The following PAFAH1B2 variants were observed in gnomAD, a reference collection of about 807,000 sequenced individuals.
The protein encoded by PAFAH1B2 is platelet activating factor acetylhydrolase 1b catalytic subunit 2, also known as platelet-activating factor acetylhydrolase IB subunit alpha2.
In PAFAH1B2, 8 loss-of-function variants were observed where a neutral mutation model predicts 28.0. That is an observed-to-expected ratio of 0.29 (90% CI 0.17 to 0.52). The LOEUF is 0.52. PAFAH1B2 is among the 20% of genes least tolerant of loss of function. The probability of loss-of-function intolerance (pLI) is 0.97; values close to 1 mark genes in which losing one functional copy is unlikely to be tolerated. For missense variants in PAFAH1B2, 190 were observed against 282.6 expected (o/e 0.67, Z 2.35); for synonymous variants, 104 against 103.2 (o/e 1.01, Z -0.05).
At chr11:117,161,376 T>G in intron 4 of PAFAH1B2, 115 bp downstream of exon 4, 1 of 618,898 alleles carries the variant, frequency 1.6e-6, no homozygotes, top group South Asian at 2.4e-5. Flanking sequence ...ACTATTTTTT[T>G]CGTGCCTCTT....
rs34197273 is a variant in PAFAH1B2 at position 117,157,287 on chromosome 11, AAT to A, written c.82-2631_82-2630del. On this transcript the variant is annotated intron_variant, in intron 2 of 5. Transcript: ENST00000527958. ...GTTTTCTTTTTTAAATAAATAAATGAATATATATATATATATAGTTTGTTTGT... is the reference window on the plus strand; with the variant it reads ...GTTTTCTTTTTTAAATAAATAAATGAATATATATATATATAGTTTGTTTGT... Among the ~76,000 whole-genome samples the A allele has an allele frequency of 2.0e-3, 303 of 148,738 alleles. 1 individual carries two copies. Among genetic ancestry groups the A allele is most frequent in the African/African-American group, 5.8e-3 (236 of 40,714 alleles).
chr11:117,167,850 A>G lies in PAFAH1B2; in HGVS notation c.*151A>G. On this transcript the variant is annotated 3_prime_UTR_variant, in exon 6 of 6. Coordinates refer to ENST00000527958, the MANE Select transcript of PAFAH1B2 (RefSeq NM_002572.4). ...TGTTTGAAGGGGAGGAGGGATTTAA[A>G]CTGGTCCTGTACATAGAAGGTTTGT... 1.6e-6 allele frequency: 2 copies of G among 1,264,954 alleles called. No individual in the cohort carries two copies. Among genetic ancestry groups the G allele is most frequent in the Non-Finnish European group, 2.0e-6 (2 of 999,572 alleles). The allele number at this position is 1,264,954 out of a possible 1,614,324, so 78.4% of individuals were successfully genotyped here. A position where few individuals can be genotyped will look rare whatever the true frequency, so the allele number is the denominator to read the frequency against.
chr11:117,171,862 C>A, downstream of PAFAH1B2: 1 of 869,496 alleles, frequency 1.2e-6, no homozygotes, highest in Non-Finnish European at 1.7e-6. Context: ...AAATGATTTG[C>A]TGCTTTAGGA....
chr11:117,156,480 G>GT (rs1956257272), intron 2 of PAFAH1B2, among the ~76,000 whole-genome samples: 1 of 152,130 alleles, frequency 6.6e-6, no homozygotes, highest in Non-Finnish European at 1.5e-5. Context: ...CCAGAAAGAG[G>GT]TGTCCATGAT....
At chr11:117,158,563 T>G (rs561288587) in intron 2 of PAFAH1B2, among the ~76,000 whole-genome samples, 2 of 152,234 alleles carry the variant, frequency 1.3e-5, no homozygotes, top group South Asian at 4.1e-4. Context: ...TAATACTTTA[T>G]TGAACTCTTG....
At chr11:117,175,760 C>T, downstream of PAFAH1B2, 1 of 1,054,674 alleles carries the variant, frequency 9.5e-7, no homozygotes, top group South Asian at 1.7e-5. Flanking sequence ...CGTAGGGTCA[C>T]ATCTTGCCCC....
chr11:117,160,121 C>T (rs1956341714), intron 3 of PAFAH1B2, 98 bp downstream of exon 3: 1 of 865,544 alleles, frequency 1.2e-6, no homozygotes, highest in African/African-American at 1.7e-5. Flanking sequence ...TTATTTGTGA[C>T]TCTTAGAGAA....
chr11:117,156,348 A>G (rs1454961343), intron 2 of PAFAH1B2, among the ~76,000 whole-genome samples: 1 of 152,218 alleles, frequency 6.6e-6, no homozygotes, highest in Admixed American at 6.5e-5. Flanking sequence ...CAACTCTAAA[A>G]TGGAGTTGCC....
At position 117,167,430 on chromosome 11, in the gene PAFAH1B2, C is replaced by A; in HGVS notation, c.421C>A (p.Pro141Thr). 1 of 1,583,086 alleles carries A rather than the reference C, an allele frequency of 6.3e-7. No homozygotes were observed. Among genetic ancestry groups the A allele is most frequent in the Non-Finnish European group, 8.6e-7 (1 of 1,157,538 alleles). The stretch of plus-strand genomic sequence containing the variant: ...TTCCACTGTGCCCCAGGGTTTGTTA[C>A]CTCGAGGTGAGAAACCCAATCCTTT... The part of the protein sequence containing the change: ...QAKIIVLGLL[P>T]RGEKPNPLRQ... Residue 141 changes from proline (P) to threonine (T), a missense_variant, in exon 6 of 6, where the codon CCT becomes ACT. Coordinates refer to ENST00000527958, the MANE Select transcript of PAFAH1B2 (RefSeq NM_002572.4).
Position 117,159,926 on chromosome 11 carries a change from C to A in PAFAH1B2, c.82-8C>A. ...GTTAATAATTTTTTTTTTTCTTCTT[C>A]AAACCAGCACAACAGATTTGTTTTG... On this transcript the variant is annotated splice_polypyrimidine_tract_variant and splice_region_variant and intron_variant, in intron 2 of 5. Transcript: ENST00000527958. 1 of 1,607,660 alleles carries A rather than the reference C, an allele frequency of 6.2e-7. No homozygotes were observed. The highest frequency in any genetic ancestry group is 8.5e-7 in the Non-Finnish European group (1 of 1,174,996).
chr11:117,145,954 T>C (rs1955994244), intron 1 of PAFAH1B2, among the ~76,000 whole-genome samples: 1 of 152,136 alleles, frequency 6.6e-6, no homozygotes, highest in South Asian at 2.1e-4. Context: ...GTAGAGAATA[T>C]AGAAAAGGCA....
chr11:117,168,631 T>C lies in PAFAH1B2; in HGVS notation c.*932T>C. On this transcript the variant is annotated 3_prime_UTR_variant, in exon 6 of 6. Coordinates refer to ENST00000527958, the MANE Select transcript of PAFAH1B2 (RefSeq NM_002572.4). ...AGATTCTGTGTATTGCTGTTCATAT[T>C]CGGAGTTCTGGTTTTGTTTTTCCCT... is the stretch of plus-strand genomic sequence containing the variant. The C allele has an allele frequency of 9.4e-7, 1 of 1,063,990 alleles. No individual in the cohort carries two copies. Among genetic ancestry groups the C allele is most frequent in the Non-Finnish European group, 1.1e-6 (1 of 878,594 alleles). The allele number at this position is 1,063,990 out of a possible 1,614,324, so 65.9% of individuals were successfully genotyped here. A position where few individuals can be genotyped will look rare whatever the true frequency, so the allele number is the denominator to read the frequency against.
chr11:117,160,062 A>G (rs1956340785), intron 3 of PAFAH1B2, 39 bp downstream of exon 3: 1 of 1,314,430 alleles, frequency 7.6e-7, no homozygotes, highest in Non-Finnish European at 1.1e-6. Context: ...TTGGCTACTC[A>G]TGTATATCCA....
chr11:117,145,822 A>G (rs1313511720), intron 1 of PAFAH1B2, among the ~76,000 whole-genome samples: 1 of 152,230 alleles, frequency 6.6e-6, no homozygotes, highest in African/African-American at 2.4e-5. Context: ...GGTTCAGACT[A>G]AAACATCTAA....
intron 1 of PAFAH1B2, among the ~76,000 whole-genome samples, chr11:117,144,786 A>T (rs1442125454): frequency 6.8e-6 from 1 of 147,466 alleles, no homozygotes; most frequent in African/African-American, 2.5e-5. Context: ...CACCCGCGGT[A>T]GGCCTTGCGC....
At chr11:117,161,388 A>T (rs1433914900) in intron 4 of PAFAH1B2, 127 bp downstream of exon 4, 2 of 576,204 alleles carry the variant, frequency 3.5e-6, no homozygotes, top group Non-Finnish European at 6.0e-6. Context: ...GTGCCTCTTT[A>T]AGGTAAATGA....
chr11:117,175,570 G>A, downstream of PAFAH1B2: 1 of 1,124,186 alleles, frequency 8.9e-7, no homozygotes, highest in Non-Finnish European at 1.1e-6. Context: ...ATTGCCAGCG[G>A]AAAGGGAGCA....
intron 1 of PAFAH1B2, among the ~76,000 whole-genome samples, chr11:117,152,063 G>T (rs1278119003): frequency 6.6e-6 from 1 of 152,178 alleles, no homozygotes; most frequent in African/African-American, 2.4e-5. Flanking sequence ...CAGCTGAAAA[G>T]CCTCTGATGT....
chr11:117,160,840 C>G (rs905217727), intron 3 of PAFAH1B2, among the ~76,000 whole-genome samples: 5 of 151,806 alleles, frequency 3.3e-5, no homozygotes. Context: ...TTCTACTTCA[C>G]CCTGTTTCTG....
Sources: allele counts gnomAD v4.1 joint callset (sites outside exome capture counted in the v4.1 genomes callset), GRCh38; gene constraint gnomAD v4.1.1; transcripts MANE v1.5; gene names NCBI Gene and HGNC (gene_info 2026-07-23, HGNC 2026-07-21).